The following DGKI variants were observed in gnomAD, a reference collection of about 807,000 sequenced individuals.
DGKI encodes the protein diacylglycerol kinase iota.
A neutral mutation model predicts 147.5 loss-of-function variants in DGKI; 55 were observed. The ratio of observed to expected loss-of-function variants is 0.37; its 90% CI spans 0.30 to 0.47. The LOEUF is 0.47. Ranked by LOEUF, DGKI falls within the 20% of genes least tolerant of loss-of-function variation. The probability of loss-of-function intolerance (pLI) is 1.00; values close to 1 mark genes in which losing one functional copy is unlikely to be tolerated. For synonymous variants in DGKI, 469 were observed against 477.1 expected, an observed-to-expected ratio of 0.98 and a Z score of 0.22; for missense variants, 1,007 against 1,323.8, an observed-to-expected ratio of 0.76 and a Z score of 3.71.
chr7:137,463,100 G>A (rs572545140), intron 27 of DGKI, among the ~76,000 whole-genome samples: 2 of 152,268 alleles, frequency 1.3e-5, no homozygotes, highest in South Asian at 2.1e-4. Flanking sequence ...GCAAGATAAT[G>A]TGTTCACAAA....
chr7:137,542,509 T>G (rs1306440515), intron 20 of DGKI, among the ~76,000 whole-genome samples: 2 of 152,220 alleles, frequency 1.3e-5, no homozygotes, highest in African/African-American at 4.8e-5. Flanking sequence ...AGAAGCCATC[T>G]ACAATGGACT....
At chr7:137,630,962 G>A (rs563861186) in intron 6 of DGKI, among the ~76,000 whole-genome samples, 6 of 152,030 alleles carry the variant, frequency 3.9e-5, no homozygotes, top group African/African-American at 1.4e-4. Flanking sequence ...TCATTTTAAT[G>A]CTAATAATAT....
chr7:137,585,125 A>ATGAC, intron 14 of DGKI, 84 bp downstream of exon 14: 1 of 1,499,992 alleles, frequency 6.7e-7, no homozygotes, highest in African/African-American at 1.4e-5. Flanking sequence ...TCATCAGCAC[A>ATGAC]TGACTCTCCA....
chr7:137,416,726 C>A (rs1812376030), intron 28 of DGKI, among the ~76,000 whole-genome samples: 1 of 152,162 alleles, frequency 6.6e-6, no homozygotes, highest in Non-Finnish European at 1.5e-5. Flanking sequence ...CCATAGCCAA[C>A]ATTATAGCAT....
Position 137,608,905 on chromosome 7 carries a change from G to C in DGKI, c.1167+61C>G. 2.3e-6 allele frequency: 3 copies of C among 1,286,334 alleles called. No homozygotes were observed. In the South Asian group the frequency reaches 3.7e-5, roughly 16 times the overall value. 79.7% of individuals were successfully genotyped at this position (1,286,334 alleles called of 1,614,324 possible). A position where few individuals can be genotyped will look rare whatever the true frequency, so the allele number is the denominator to read the frequency against. On this transcript the variant is annotated intron_variant, in intron 10 of 32. Coordinates refer to ENST00000614521, the MANE Select transcript of DGKI (RefSeq NM_001321708.2). ...GTGGTACTATTTTAATTGGCAGTGA[G>C]AGTTGTGTCGTCAAGAAATTATCAA...
chr7:137,591,703 A>T (rs1023871907), intron 12 of DGKI, among the ~76,000 whole-genome samples: 6 of 152,140 alleles, frequency 3.9e-5, no homozygotes, highest in African/African-American at 1.4e-4. Flanking sequence ...TGTTTCATCA[A>T]CTCATGTGTA....
At chr7:137,756,747 C>T (rs1585450703) in intron 1 of DGKI, among the ~76,000 whole-genome samples, 1 of 152,124 alleles carries the variant, frequency 6.6e-6, no homozygotes, top group Non-Finnish European at 1.5e-5. Flanking sequence ...TTAAAATGAA[C>T]TTGCCTCAGA....
At chr7:137,841,832 G>T (rs1798551947) in intron 1 of DGKI, among the ~76,000 whole-genome samples, 1 of 152,204 alleles carries the variant, frequency 6.6e-6, no homozygotes, top group South Asian at 2.1e-4. Flanking sequence ...TTGGCCCCAT[G>T]AGGCAATGCT....
At chr7:137,430,320 C>T (rs976289829) in intron 28 of DGKI, among the ~76,000 whole-genome samples, 40 of 150,218 alleles carry the variant, frequency 2.7e-4, no homozygotes, top group Non-Finnish European at 5.5e-4. Flanking sequence ...AACCAAACAC[C>T]GCATGTTCTC....
At chr7:137,668,932 T>C (rs1454131740) in intron 3 of DGKI, among the ~76,000 whole-genome samples, 1 of 152,254 alleles carries the variant, frequency 6.6e-6, no homozygotes, top group Non-Finnish European at 1.5e-5. Context: ...ATTATAGTGG[T>C]CAATATTTAT....
intron 14 of DGKI, 147 bp downstream of exon 14, chr7:137,585,062 A>T: frequency 1.2e-6 from 1 of 867,614 alleles, no homozygotes; most frequent in South Asian, 1.7e-5. Flanking sequence ...AATATTATAC[A>T]CATAGCCCCA....
chr7:137,598,226 CTTCT>C (rs746877268), intron 11 of DGKI, among the ~76,000 whole-genome samples: 1 of 151,946 alleles, frequency 6.6e-6, no homozygotes. Context: ...TTTTGACTTC[CTTCT>C]TTTTCTTTTC....
rs919560971 is a variant in DGKI at position 137,664,087 on chromosome 7, A to G, written c.607-7547T>C. Among the ~76,000 whole-genome samples, 3 of 152,262 alleles carry G rather than the reference A, an allele frequency of 2.0e-5. No homozygotes were observed. The South Asian group carries it at 6.2e-4, about 32-fold the overall frequency. On this transcript the variant is annotated intron_variant, in intron 3 of 32. Coordinates refer to ENST00000614521, the MANE Select transcript of DGKI (RefSeq NM_001321708.2). ...AGCCCTCTGCCCACAATAGGGAAAA[A>G]ATAGTGCGGCTGGGTGCAGTGATTC...
intron 1 of DGKI, among the ~76,000 whole-genome samples, chr7:137,767,325 C>A (rs1796042112): frequency 6.6e-6 from 1 of 151,630 alleles, no homozygotes; most frequent in African/African-American, 2.4e-5. Context: ...GGAAAAAAAA[C>A]TCTTTGGTAA....
intron 1 of DGKI, among the ~76,000 whole-genome samples, chr7:137,803,943 T>G (rs1006838760): frequency 6.6e-6 from 1 of 152,230 alleles, no homozygotes; most frequent in Non-Finnish European, 1.5e-5. Flanking sequence ...TTTCATTTTC[T>G]GAAAATATAA....
chr7:137,722,946 G>GT, intron 1 of DGKI: 1 of 588,222 alleles, frequency 1.7e-6, no homozygotes, highest in South Asian at 2.4e-5. Context: ...TCTGGAAACA[G>GT]ACTACCATTT....
chr7:137,750,683 C>A (rs1288598303), intron 1 of DGKI, among the ~76,000 whole-genome samples: 1 of 152,094 alleles, frequency 6.6e-6, no homozygotes. Flanking sequence ...CTGAACATCA[C>A]CCCCATAAGC....
chr7:137,771,671 G>A (rs1417590881), intron 1 of DGKI: 2 of 152,010 alleles, frequency 1.3e-5, no homozygotes, highest in Non-Finnish European at 2.9e-5. Flanking sequence ...ACAATTGTTG[G>A]TACACAAAAT....
chr7:137,666,828 G>C (rs1822658745), intron 3 of DGKI, among the ~76,000 whole-genome samples: 2 of 152,178 alleles, frequency 1.3e-5, no homozygotes, highest in African/African-American at 4.8e-5. Flanking sequence ...CCATAATTCT[G>C]TTTCCCACCC....
Sources: allele counts gnomAD v4.1 joint callset (sites outside exome capture counted in the v4.1 genomes callset), GRCh38; gene constraint gnomAD v4.1.1; transcripts MANE v1.5; gene names NCBI Gene and HGNC (gene_info 2026-07-23, HGNC 2026-07-21).